The following TCF12 variants were observed in gnomAD, a reference collection of about 807,000 sequenced individuals.
TCF12 encodes the protein DNA-binding protein HTF4.
Under a neutral mutation model 86.0 loss-of-function variants are expected in TCF12, and 45 were observed. The observed-to-expected ratio is 0.52, with a 90% CI of 0.41 to 0.67. The LOEUF is 0.67. TCF12 is among the 30% of genes least tolerant of loss of function. The pLI is 0.00. For missense variants in TCF12, 881 were observed against 859.9 expected (o/e 1.02, Z -0.31); for synonymous variants, 330 against 299.6 (o/e 1.10, Z -1.05).
intron 5 of TCF12, among the ~76,000 whole-genome samples, chr15:57,132,108 GC>G (rs765311591): frequency 6.6e-6 from 1 of 152,044 alleles, no homozygotes; most frequent in Non-Finnish European, 1.5e-5. Context: ...CTAAAATTGT[GC>G]CACTACACTC....
chr15:57,251,228 A>C (rs2060101870), intron 13 of TCF12, 122 bp from the exon 14 acceptor site: 2 of 760,814 alleles, frequency 2.6e-6, no homozygotes, highest in Non-Finnish European at 4.3e-6. Context: ...ACTATGCTGA[A>C]GGCCAAACAA....
intron 3 of TCF12, among the ~76,000 whole-genome samples, chr15:57,050,779 G>A (rs2067559150): frequency 1.3e-5 from 2 of 152,076 alleles, no homozygotes; most frequent in East Asian, 1.9e-4. Flanking sequence ...CATTTCTTCT[G>A]CTGCTCCAGT....
At chr15:57,094,756 T>G (rs948738642) in intron 5 of TCF12, among the ~76,000 whole-genome samples, 5 of 152,220 alleles carry the variant, frequency 3.3e-5, no homozygotes, top group African/African-American at 4.8e-5. Context: ...ACATTTCCTG[T>G]TGCTGTCAAC....
At chr15:57,132,793 C>T (rs949768681) in intron 5 of TCF12, among the ~76,000 whole-genome samples, 28 of 152,304 alleles carry the variant, frequency 1.8e-4, no homozygotes, top group Middle Eastern at 3.4e-3. Context: ...CCTACATCCT[C>T]TCTGAGTAAA....
intron 6 of TCF12, among the ~76,000 whole-genome samples, chr15:57,187,878 C>T (rs1458963213): frequency 1.3e-5 from 2 of 152,000 alleles, no homozygotes; most frequent in Non-Finnish European, 1.5e-5. Flanking sequence ...TGCAGTGAGC[C>T]ATGATTGTGC....
intron 5 of TCF12, among the ~76,000 whole-genome samples, chr15:57,114,389 C>G (rs553658210): frequency 3.3e-5 from 5 of 152,300 alleles, no homozygotes; most frequent in South Asian, 4.1e-4. Flanking sequence ...CTCCTGCGCT[C>G]AAATGATCCT....
chr15:56,993,572 A>G (rs941745788), intron 3 of TCF12, among the ~76,000 whole-genome samples: 4 of 152,204 alleles, frequency 2.6e-5, no homozygotes, highest in African/African-American at 9.6e-5. Context: ...GCAATACCAT[A>G]AAGTTCTTTA....
intron 3 of TCF12, among the ~76,000 whole-genome samples, chr15:57,006,091 T>C (rs1485861248): frequency 1.3e-5 from 2 of 152,228 alleles, no homozygotes; most frequent in African/African-American, 4.8e-5. Flanking sequence ...TCTGTCATAG[T>C]ACCATTCATG....
chr15:57,075,804 T>TCTTTCTCTCTCTCTCTCTC, intron 4 of TCF12, among the ~76,000 whole-genome samples: 1 of 28,590 alleles, frequency 3.5e-5, no homozygotes, highest in South Asian at 2.0e-3. Flanking sequence ...CTTTCTTTCT[T>TCTTTCTCTCTCTCTCTCTC]TCTCTCTCTC....
chr15:57,113,133 C>G (rs2050608497), intron 5 of TCF12, among the ~76,000 whole-genome samples: 1 of 152,166 alleles, frequency 6.6e-6, no homozygotes. Flanking sequence ...ATCTTCATCT[C>G]TACCAAGTAT....
rs544518321 is a variant in TCF12 at position 56,940,720 on chromosome 15, A to G, written c.148+19622A>G. On this transcript the variant is annotated intron_variant, in intron 3 of 20. Transcript: ENST00000333725. ...CCCTTTCCCCTCCTCCCCCCTTCCT[A>G]TCCCCTTCTCTCCCCCCCCTTCTCC... Among the ~76,000 whole-genome samples the G allele has an allele frequency of 1.2e-4, 6 of 48,246 alleles. No homozygotes were observed. The East Asian group carries it at 2.1e-3, about 17-fold the overall frequency. 31.7% of individuals were successfully genotyped at this position (48,246 alleles called of 152,430 possible). A position where few individuals can be genotyped will look rare whatever the true frequency, so the allele number is the denominator to read the frequency against.
At chr15:57,240,533 A>G (rs1462191564) in intron 12 of TCF12, among the ~76,000 whole-genome samples, 3 of 152,236 alleles carry the variant, frequency 2.0e-5, no homozygotes, top group Admixed American at 6.5e-5. Flanking sequence ...TTGCTCATAA[A>G]TGGTATAATT....
intron 5 of TCF12, among the ~76,000 whole-genome samples, chr15:57,151,234 G>A (rs1221189361): frequency 6.8e-6 from 1 of 146,800 alleles, no homozygotes; most frequent in African/African-American, 2.5e-5. Context: ...TCCTGCCTTC[G>A]TCCCCTGAGT....
intron 6 of TCF12, among the ~76,000 whole-genome samples, chr15:57,181,545 T>A (rs982715602): frequency 4.1e-4 from 51 of 123,368 alleles, no homozygotes; most frequent in African/African-American, 1.2e-3. Context: ...TAACAAGAGT[T>A]CCCATTAAAA....
intron 12 of TCF12, among the ~76,000 whole-genome samples, chr15:57,237,216 T>TAG (rs2059419560): frequency 6.6e-6 from 1 of 152,024 alleles, no homozygotes; most frequent in Non-Finnish European, 1.5e-5. Flanking sequence ...CAGTAGTCTC[T>TAG]AACAAAAGAA....
rs1404599557 is a variant in TCF12 at position 57,244,166 on chromosome 15, G to A, written c.1114+616G>A. 3.9e-5 allele frequency among the ~76,000 whole-genome samples: 6 copies of A among 152,034 alleles called. No individual in the cohort carries two copies. The South Asian group carries it at 1.2e-3, about 32-fold the overall frequency. On this transcript the variant is annotated intron_variant, in intron 13 of 20. Coordinates refer to ENST00000333725, the MANE Select transcript of TCF12 (RefSeq NM_207037.2). ...AATGCTGGGATTACAGGTGTCAGCCGCCATACCTACCCCCCAAAAAATGGT... is the reference window on the plus strand; with the variant it reads ...AATGCTGGGATTACAGGTGTCAGCCACCATACCTACCCCCCAAAAAATGGT...
At chr15:57,263,945 T>C (rs1312987131) in intron 18 of TCF12, among the ~76,000 whole-genome samples, 2 of 152,128 alleles carry the variant, frequency 1.3e-5, no homozygotes, top group Non-Finnish European at 2.9e-5. Flanking sequence ...GAGCAGGTGG[T>C]GAGTGAATGT....
At chr15:57,282,125 A>C in intron 19 of TCF12, 1 of 366,148 alleles carries the variant, frequency 2.7e-6, no homozygotes, top group Non-Finnish European at 5.1e-6. Context: ...TTAGTAGGAC[A>C]TTGAAGAGAC....
At chr15:57,037,689 T>C (rs1274142449) in intron 3 of TCF12, among the ~76,000 whole-genome samples, 1 of 152,228 alleles carries the variant, frequency 6.6e-6, no homozygotes, top group Non-Finnish European at 1.5e-5. Flanking sequence ...CCTTGCTTTT[T>C]AATGGACAAA....
Sources: gnomAD v4.1 joint callset for allele counts (sites outside exome capture counted in the v4.1 genomes callset) on GRCh38, gnomAD v4.1.1 for gene constraint, MANE v1.5 for transcripts, NCBI Gene and HGNC (gene_info 2026-07-23, HGNC 2026-07-21) for gene names.